The following RAC2 variants were observed in gnomAD, a reference collection of about 807,000 sequenced individuals.
The protein encoded by RAC2 is ras-related C3 botulinum toxin substrate 2.
In RAC2, 1 loss-of-function variant was observed where a neutral mutation model predicts 24.0. The ratio of observed to expected loss-of-function variants is 0.04; its 90% CI spans 0.01 to 0.20. The LOEUF (loss-of-function observed/expected upper bound fraction) is 0.20, where lower values mean the gene tolerates loss of function less well. Among genes scored for constraint, RAC2 ranks in the 10% least tolerant of loss-of-function variants. The probability of loss-of-function intolerance (pLI) is 1.00; values close to 1 mark genes in which losing one functional copy is unlikely to be tolerated. For synonymous variants in RAC2, 114 were observed against 106.8 expected (o/e 1.07, Z -0.41); for missense variants, 130 against 259.1 (o/e 0.50, Z 3.42).
intron 2 of RAC2, chr22:37,241,150 C>T (rs569588310): frequency 7.7e-6 from 6 of 778,720 alleles, no homozygotes; most frequent in Admixed American, 5.1e-5. Flanking sequence ...TGCAATAGAG[C>T]GCAGGGCCTC....
intron 1 of RAC2, among the ~76,000 whole-genome samples, chr22:37,242,679 C>T (rs1357763154): frequency 6.6e-6 from 1 of 152,260 alleles, no homozygotes; most frequent in East Asian, 1.9e-4. Context: ...GCCCGCCCCT[C>T]CTCCGATCAG....
chr22:37,235,602 CG>C (rs1927199604), intron 2 of RAC2, among the ~76,000 whole-genome samples: 1 of 152,208 alleles, frequency 6.6e-6, no homozygotes. Flanking sequence ...CAGGTGCTGG[CG>C]TGCACCTACT....
At chr22:37,234,481 T>TG (rs1927165438) in intron 2 of RAC2, among the ~76,000 whole-genome samples, 1 of 152,144 alleles carries the variant, frequency 6.6e-6, no homozygotes, top group African/African-American at 2.4e-5. Flanking sequence ...GCCACAGCTG[T>TG]GCCTCCGGGA....
intron 2 of RAC2, among the ~76,000 whole-genome samples, chr22:37,238,548 A>G (rs1207905142): frequency 1.3e-5 from 2 of 152,140 alleles, no homozygotes; most frequent in African/African-American, 4.8e-5. Context: ...CCTAACTTTC[A>G]GTTTTAAAAG....
At chr22:37,237,995 G>A (rs1244991789) in intron 2 of RAC2, among the ~76,000 whole-genome samples, 1 of 151,996 alleles carries the variant, frequency 6.6e-6, no homozygotes, top group Non-Finnish European at 1.5e-5. Flanking sequence ...GGAACTGAAT[G>A]ACAGGAAGCA....
At chr22:37,233,796 T>C (rs1927145493) in intron 2 of RAC2, among the ~76,000 whole-genome samples, 1 of 152,180 alleles carries the variant, frequency 6.6e-6, no homozygotes, top group Admixed American at 6.5e-5. Flanking sequence ...CTCTCAGTCC[T>C]GCTGGGGCCA....
intron 2 of RAC2, among the ~76,000 whole-genome samples, chr22:37,236,193 TC>T (rs1927216751): frequency 6.6e-6 from 1 of 152,154 alleles, no homozygotes; most frequent in Non-Finnish European, 1.5e-5. Context: ...CAGAGGATGT[TC>T]AAGCCACCCC....
At chr22:37,239,217 G>C (rs1425889896) in intron 2 of RAC2, among the ~76,000 whole-genome samples, 2 of 152,220 alleles carry the variant, frequency 1.3e-5, no homozygotes, top group East Asian at 3.8e-4. Flanking sequence ...ATATGAGGGT[G>C]TGAGGCAGGA....
chr22:37,241,468 G>T, intron 2 of RAC2, 119 bp downstream of exon 2: 1 of 1,093,092 alleles, frequency 9.1e-7, no homozygotes, highest in Non-Finnish European at 1.4e-6. Flanking sequence ...AGCTCCACTG[G>T]GCTGGAGGCT....
intron 1 of RAC2, among the ~76,000 whole-genome samples, chr22:37,243,020 G>A (rs968578221): frequency 6.6e-6 from 1 of 152,098 alleles, no homozygotes; most frequent in Non-Finnish European, 1.5e-5. Context: ...TTTTTTAAGA[G>A]ACAGCGTCTT....
intron 2 of RAC2, among the ~76,000 whole-genome samples, chr22:37,238,924 C>A (rs1927314288): frequency 6.6e-6 from 1 of 152,202 alleles, no homozygotes; most frequent in African/African-American, 2.4e-5. Context: ...GCATGGGGAG[C>A]CAGCTCTCAG....
Position 37,231,401 on chromosome 22 carries a change from G to A in RAC2, c.289-11C>T. The A allele has an allele frequency of 1.9e-6, 3 of 1,613,886 alleles. No individual in the cohort carries two copies. The highest frequency in any genetic ancestry group is 2.5e-6 in the Non-Finnish European group (3 of 1,179,972). On this transcript the variant is annotated splice_polypyrimidine_tract_variant and intron_variant, in intron 4 of 6. Coordinates refer to ENST00000249071, the MANE Select transcript of RAC2 (RefSeq NM_002872.5). The surrounding 1 kb of genome is among the most constrained non-coding windows in gnomAD (Gnocchi z 5.5). Reference sequence around the variant, plus strand: ...CACTTCTGGGAACCACTGGGCAGGTGGGTGGGGGGACACAAGGTTGTATGG... The same window carrying A: ...CACTTCTGGGAACCACTGGGCAGGTAGGTGGGGGGACACAAGGTTGTATGG...
chr22:37,244,077 AG>A (rs753451712), intron 1 of RAC2, 36 bp downstream of exon 1: 1 of 1,613,728 alleles, frequency 6.2e-7, no homozygotes, highest in South Asian at 1.1e-5. Context: ...AGGGCATCCC[AG>A]TTGGGGGCTG....
At chr22:37,244,051 A>T in intron 1 of RAC2, 63 bp downstream of exon 1, 1 of 1,604,684 alleles carries the variant, frequency 6.2e-7, no homozygotes, top group Non-Finnish European at 8.5e-7. Context: ...CAGGGGCACC[A>T]GGGCGGAAGG....
chr22:37,233,439 C>T (rs748024549), intron 2 of RAC2, among the ~76,000 whole-genome samples: 1 of 152,146 alleles, frequency 6.6e-6, no homozygotes, highest in South Asian at 2.1e-4. Flanking sequence ...TGCACCACCA[C>T]GCCCAGCTAA....
intron 3 of RAC2, 148 bp from the exon 4 acceptor site, chr22:37,232,142 C>T: frequency 2.5e-6 from 2 of 793,632 alleles, no homozygotes; most frequent in South Asian, 3.0e-5. Flanking sequence ...AGCAGAGATA[C>T]CCTTCTCGCC....
intron 6 of RAC2, among the ~76,000 whole-genome samples, chr22:37,226,280 C>T (rs937205291): frequency 1.3e-5 from 2 of 151,978 alleles, no homozygotes; most frequent in Non-Finnish European, 2.9e-5. Context: ...CCCTGGGGAT[C>T]ATAGCTCAGG....
Position 37,231,321 on chromosome 22 carries a change from G to A in RAC2, c.358C>T (p.Arg120Trp), listed in dbSNP as rs375909521. ...TTCTCGATGGTGTCCTTGTCGTCCC[G>A]CAGGTCCAGCTTGGTGCCCACCAGG... is the stretch of plus-strand genomic sequence containing the variant. ...IILVGTKLDL[R>W]DDKDTIEKLK... Residue 120 changes from arginine to tryptophan, a missense_variant, in exon 5 of 7, where the codon CGG becomes TGG. By Grantham distance (101) the Arg-to-Trp change is moderately radical. This residue lies in a region of RAC2 where 119 missense variants were observed against 192.1 expected (regional missense o/e 0.62). Coordinates refer to ENST00000249071, the MANE Select transcript of RAC2 (RefSeq NM_002872.5). The surrounding 1 kb of genome is among the most constrained non-coding windows in gnomAD (Gnocchi z 5.5). The A allele has an allele frequency of 2.5e-6, 4 of 1,614,142 alleles. No homozygotes were observed. Among genetic ancestry groups the A allele is most frequent in the Non-Finnish European group, 3.4e-6 (4 of 1,180,034 alleles).
In RAC2 at chr22:37,240,918, T is replaced by C. The variant is rs998116302; in HGVS notation, c.107+669A>G. The stretch of plus-strand genomic sequence containing the variant: ...ACAGTAGGGTCCGGAGGAGGCAGAG[T>C]GTGAAGCAAAGTAATGGGTAATAAG... On this transcript the variant is annotated intron_variant, in intron 2 of 6. Coordinates refer to ENST00000249071, the MANE Select transcript of RAC2 (RefSeq NM_002872.5). 14 of 668,016 alleles carry C rather than the reference T, an allele frequency of 2.1e-5. No homozygotes were observed. The Admixed American group carries it at 3.1e-4, about 15-fold the overall frequency. The allele number at this position is 668,016 out of a possible 1,614,324, so 41.4% of individuals were successfully genotyped here. A position where few individuals can be genotyped will look rare whatever the true frequency, so the allele number is the denominator to read the frequency against.
Sources: allele counts gnomAD v4.1 joint callset (sites outside exome capture counted in the v4.1 genomes callset), GRCh38; gene constraint gnomAD v4.1.1; regional missense constraint gnomAD v4.1.1; non-coding constraint Gnocchi (gnomAD v3.1); transcripts MANE v1.5; gene names NCBI Gene and HGNC (gene_info 2026-07-23, HGNC 2026-07-21).